KLHDC2: variants seen among roughly 807,000 people sequenced by gnomAD.
KLHDC2 encodes the protein kelch domain containing 2.
KLHDC2 carries 38 observed loss-of-function variants against 62.3 expected under a neutral mutation model. The observed-to-expected ratio is 0.61, with a 90% CI of 0.47 to 0.80. The LOEUF is 0.80. Ranked by LOEUF, KLHDC2 falls within the 30% of genes least tolerant of loss-of-function variation. KLHDC2 has a pLI of 0.00. For missense variants in KLHDC2, 430 were observed against 495.3 expected (o/e 0.87, Z 1.25); for synonymous variants, 159 against 161.0 (o/e 0.99, Z 0.09).
At chr14:49,769,351 C>T (rs1266327575) in intron 1 of KLHDC2, among the ~76,000 whole-genome samples, 1 of 152,146 alleles carries the variant, frequency 6.6e-6, no homozygotes, top group Admixed American at 6.5e-5. Context: ...CTGCTAACCT[C>T]GGAAATCTAG....
chr14:49,776,487 TTTAATC>T (rs1432567700), intron 3 of KLHDC2, among the ~76,000 whole-genome samples: 4 of 152,334 alleles, frequency 2.6e-5, no homozygotes, highest in African/African-American at 9.6e-5. Flanking sequence ...AATTAATCTC[TTTAATC>T]TTAAAGATTA....
intron 2 of KLHDC2, among the ~76,000 whole-genome samples, chr14:49,773,858 G>A (rs555602414): frequency 2.6e-5 from 4 of 152,232 alleles, no homozygotes; most frequent in Admixed American, 2.6e-4. Flanking sequence ...TTACAGGCAT[G>A]AGCCACCGCG....
At chr14:49,770,676 C>G (rs1317867852) in intron 1 of KLHDC2, among the ~76,000 whole-genome samples, 1 of 152,172 alleles carries the variant, frequency 6.6e-6, no homozygotes, top group African/African-American at 2.4e-5. Context: ...AACTTGTTTT[C>G]TCATAACATC....
At chr14:49,777,163 C>T (rs968793291) in intron 3 of KLHDC2, among the ~76,000 whole-genome samples, 13 of 152,144 alleles carry the variant, frequency 8.5e-5, no homozygotes, top group Admixed American at 4.6e-4. Context: ...AACCAAACAC[C>T]ATATGTTCTC....
Position 49,784,639 on chromosome 14 carries a change from T to C in KLHDC2, c.*1686T>C. On this transcript the variant is annotated 3_prime_UTR_variant, in exon 13 of 13. Coordinates refer to ENST00000298307, the MANE Select transcript of KLHDC2 (RefSeq NM_014315.3). ...ATATTTTAGAATTTCATTTCAGCTA[T>C]TTCCTTTTTACGTTCAGAAGATTGG... is the stretch of plus-strand genomic sequence containing the variant. 1 of 1,605,896 alleles carries C rather than the reference T, an allele frequency of 6.2e-7. No individual in the cohort carries two copies. Among genetic ancestry groups the C allele is most frequent in the Non-Finnish European group, 8.5e-7 (1 of 1,175,008 alleles).
At position 49,783,958 on chromosome 14, in the gene KLHDC2, A is replaced by G. The variant is rs1890037193; in HGVS notation, c.*1005A>G. On this transcript the variant is annotated 3_prime_UTR_variant, in exon 13 of 13. Coordinates refer to ENST00000298307, the MANE Select transcript of KLHDC2 (RefSeq NM_014315.3). Reference sequence around the variant, plus strand: ...TTAAACCCCTTGTAGCTGGCCTATAATATATATATATTAGATGTTATATAC... The same window carrying G: ...TTAAACCCCTTGTAGCTGGCCTATAGTATATATATATTAGATGTTATATAC... 6.6e-6 allele frequency: 1 copy of G among 151,596 alleles called. No homozygotes were observed. Among genetic ancestry groups the G allele is most frequent in the African/African-American group, 2.4e-5 (1 of 41,204 alleles). The allele number at this position is 151,596 out of a possible 1,614,324, so 9.4% of individuals were successfully genotyped here.
At position 49,782,999 on chromosome 14, in the gene KLHDC2, C is replaced by G. The variant is rs45543342; in HGVS notation, c.*46C>G. 22,393 of 1,579,878 alleles carry G rather than the reference C, an allele frequency of 0.014. 219 individuals carry two copies. Among genetic ancestry groups the G allele is most frequent in the Non-Finnish European group, 0.017 (20,287 of 1,159,660 alleles). On this transcript the variant is annotated 3_prime_UTR_variant, in exon 13 of 13. Coordinates refer to ENST00000298307, the MANE Select transcript of KLHDC2 (RefSeq NM_014315.3). ...TGATCACCTTGCATGGACAGCAATC[C>G]TGTAAACATCACAGAGTGGCATCAT...
In KLHDC2 at chr14:49,777,858, G is replaced by C. The variant is rs1212890385; in HGVS notation, c.371G>C (p.Arg124Thr). 3.1e-6 allele frequency: 5 copies of C among 1,591,534 alleles called. No individual in the cohort carries two copies. In the East Asian group the frequency reaches 9.0e-5, roughly 29 times the overall value. Residue 124 changes from arginine (R) to threonine (T), a missense_variant, in exon 4 of 13, where the codon AGG (arginine) becomes ACG (threonine). Coordinates refer to ENST00000298307, the MANE Select transcript of KLHDC2 (RefSeq NM_014315.3). Reference sequence around the variant, plus strand: ...TGACAGTTCTACATGCTGGATTCAAGGTCTACAGACAGAGTGTTACAGTGG... The same window carrying C: ...TGACAGTTCTACATGCTGGATTCAACGTCTACAGACAGAGTGTTACAGTGG... ...NTNKFYMLDSRSTDRVLQWER... is the reference protein window; with the variant it reads ...NTNKFYMLDSTSTDRVLQWER...
Position 49,784,626 on chromosome 14 carries a change from T to G in KLHDC2, c.*1673T>G. 1 of 1,593,154 alleles carries G rather than the reference T, an allele frequency of 6.3e-7. No individual in the cohort carries two copies. Among genetic ancestry groups the G allele is most frequent in the East Asian group, 2.2e-5 (1 of 44,708 alleles). On this transcript the variant is annotated 3_prime_UTR_variant, in exon 13 of 13. Coordinates refer to ENST00000298307, the MANE Select transcript of KLHDC2 (RefSeq NM_014315.3). The stretch of plus-strand genomic sequence containing the variant: ...TGGCTCTTCTCAAATATTTTAGAAT[T>G]TCATTTCAGCTATTTCCTTTTTACG...
At chr14:49,770,996 A>G (rs1002948930) in intron 1 of KLHDC2, among the ~76,000 whole-genome samples, 1 of 152,208 alleles carries the variant, frequency 6.6e-6, no homozygotes, top group African/African-American at 2.4e-5. Context: ...TCCTGAAGTC[A>G]TGCAGCTGAA....
chr14:49,781,791 A>C (rs1889915410), intron 10 of KLHDC2, among the ~76,000 whole-genome samples: 1 of 152,216 alleles, frequency 6.6e-6, no homozygotes, highest in Non-Finnish European at 1.5e-5. Flanking sequence ...CAAATCATCC[A>C]AAAAAAGCTT....
At chr14:49,768,799 TCGAGTA>T in intron 1 of KLHDC2, 178 bp downstream of exon 1, 1 of 590,128 alleles carries the variant, frequency 1.7e-6, no homozygotes, top group Non-Finnish European at 2.8e-6. Context: ...CTTCCTTCTC[TCGAGTA>T]CCCCAACCCG....
chr14:49,775,829 G>A (rs1889762036), intron 3 of KLHDC2, among the ~76,000 whole-genome samples: 2 of 152,118 alleles, frequency 1.3e-5, no homozygotes, highest in Admixed American at 6.5e-5. Context: ...GTTTCGCCAC[G>A]TTGGCCAGGC....
chr14:49,771,478 G>T (rs1566632694), intron 1 of KLHDC2, 116 bp from the exon 2 acceptor site: 8 of 600,962 alleles, frequency 1.3e-5, no homozygotes, highest in Non-Finnish European at 2.4e-5. Context: ...ATTGTGCACT[G>T]TAATACCTAT....
rs115954811 is a variant in KLHDC2 at position 49,780,200 on chromosome 14, C to G, written c.774-13C>G. Reference sequence around the variant, plus strand: ...TCTAAATGCAGATATTGTAACTTAGCTATTATTTTCAGAATTCCACAAGGC... The same window carrying G: ...TCTAAATGCAGATATTGTAACTTAGGTATTATTTTCAGAATTCCACAAGGC... On this transcript the variant is annotated splice_polypyrimidine_tract_variant and intron_variant, in intron 8 of 12. Coordinates refer to ENST00000298307, the MANE Select transcript of KLHDC2 (RefSeq NM_014315.3). The G allele has an allele frequency of 4.3e-3, 6,352 of 1,492,674 alleles. 252 individuals are homozygous for G. In the African/African-American group the frequency reaches 0.077, roughly 18 times the overall value. 92.5% of individuals were successfully genotyped at this position (1,492,674 alleles called of 1,614,324 possible). A position where few individuals can be genotyped will look rare whatever the true frequency, so the allele number is the denominator to read the frequency against.
intron 9 of KLHDC2, 125 bp from the exon 10 acceptor site, chr14:49,780,578 A>T: frequency 1.3e-6 from 1 of 743,222 alleles, no homozygotes; most frequent in Non-Finnish European, 2.3e-6. Context: ...CAGGGGGGGG[A>T]AAAAAAAGAA....
At position 49,774,689 on chromosome 14, in the gene KLHDC2, C is replaced by G. The variant is rs753702447; in HGVS notation, c.351+11C>G. On this transcript the variant is annotated intron_variant, in intron 3 of 12. Transcript: ENST00000298307. ...GGCAATACCAATAAGGTTAGTGTTT[C>G]TAAGGATTATGGCTTGAGGCATTTT... 2.0e-6 allele frequency: 3 copies of G among 1,484,812 alleles called. No individual in the cohort carries two copies. Among genetic ancestry groups the G allele is most frequent in the South Asian group, 2.3e-5 (2 of 88,330 alleles). 92.0% of individuals were successfully genotyped at this position (1,484,812 alleles called of 1,614,324 possible). A position where few individuals can be genotyped will look rare whatever the true frequency, so the allele number is the denominator to read the frequency against.
At chr14:49,769,812 G>T (rs370108930) in intron 1 of KLHDC2, among the ~76,000 whole-genome samples, 1 of 152,086 alleles carries the variant, frequency 6.6e-6, no homozygotes, top group Middle Eastern at 3.4e-3. Flanking sequence ...GCGTGGTGAC[G>T]GGCGCCCTAA....
chr14:49,777,063 C>T (rs142700863), intron 3 of KLHDC2, among the ~76,000 whole-genome samples: 6 of 152,132 alleles, frequency 3.9e-5, no homozygotes, highest in East Asian at 3.9e-4. Context: ...AATACTACTC[C>T]GCCATAAGAA....
Sources: gnomAD v4.1 joint callset for allele counts (sites outside exome capture counted in the v4.1 genomes callset) on GRCh38, gnomAD v4.1.1 for gene constraint, MANE v1.5 for transcripts, NCBI Gene and HGNC (gene_info 2026-07-23, HGNC 2026-07-21) for gene names.